SIPA1L3: variants seen among roughly 807,000 people sequenced by gnomAD.
SIPA1L3 encodes the protein signal induced proliferation associated 1 like 3.
SIPA1L3 carries 59 observed loss-of-function variants against 150.1 expected under a neutral mutation model. The observed-to-expected ratio is 0.39, with a 90% CI of 0.32 to 0.49. The LOEUF (loss-of-function observed/expected upper bound fraction) is 0.49. SIPA1L3 is among the 20% of genes least tolerant of loss of function. The pLI is 0.86. For synonymous variants in SIPA1L3, 1,070 were observed against 1,077.6 expected, an observed-to-expected ratio of 0.99 and a Z score of 0.14; for missense variants, 2,211 against 2,489.5, an observed-to-expected ratio of 0.89 and a Z score of 2.38.
intron 1 of SIPA1L3, among the ~76,000 whole-genome samples, chr19:37,939,422 GATTAGTTTCAACCGCATATAA>G (rs1568470969): frequency 1.4e-5 from 2 of 142,380 alleles, no homozygotes; most frequent in Non-Finnish European, 3.0e-5. Flanking sequence ...AAAAAAAAAG[GATTAGTTTCAACCGCATATAA>G]TTTAGTTTCA....
At chr19:37,965,735 A>G (rs1037444592) in intron 1 of SIPA1L3, among the ~76,000 whole-genome samples, 9 of 129,762 alleles carry the variant, frequency 6.9e-5, no homozygotes, top group African/African-American at 2.8e-4. Context: ...TAGTCCCTGC[A>G]TTCTAGATTC....
chr19:37,937,361 T>C (rs995529065), intron 1 of SIPA1L3, among the ~76,000 whole-genome samples: 1 of 152,196 alleles, frequency 6.6e-6, no homozygotes, highest in Admixed American at 6.6e-5. Flanking sequence ...TCCCATTCAC[T>C]TTCCTGCCTG....
chr19:37,928,111 A>C (rs371240847), intron 1 of SIPA1L3, among the ~76,000 whole-genome samples: 155 of 152,160 alleles, frequency 1.0e-3, no homozygotes, highest in African/African-American at 3.4e-3. Flanking sequence ...CGGTAATTCT[A>C]TTTTTAGTTC....
chr19:37,996,871 A>G (rs1262067474), intron 1 of SIPA1L3, among the ~76,000 whole-genome samples: 1 of 151,812 alleles, frequency 6.6e-6, no homozygotes, highest in Non-Finnish European at 1.5e-5. Flanking sequence ...TAATTTTTGT[A>G]TTTTTAGTAG....
chr19:38,194,525 G>A lies in SIPA1L3; in HGVS notation c.4840+745G>A, dbSNP rs371628984. ...GGGCAGAGCGCTGGCGTGCCACTGCGCGTGGGGTGCCCCTGACCTTTTTGA... is the reference window on the plus strand; with the variant it reads ...GGGCAGAGCGCTGGCGTGCCACTGCACGTGGGGTGCCCCTGACCTTTTTGA... On this transcript the variant is annotated intron_variant, in intron 18 of 21. Transcript: ENST00000222345. Among the ~76,000 whole-genome samples the A allele has an allele frequency of 3.8e-3, 577 of 152,300 alleles. 1 individual carries two copies. The highest frequency in any genetic ancestry group is 0.013 in the African/African-American group (547 of 41,566).
intron 1 of SIPA1L3, among the ~76,000 whole-genome samples, chr19:37,999,211 A>C (rs1366550196): frequency 6.6e-6 from 1 of 152,018 alleles, no homozygotes; most frequent in East Asian, 1.9e-4. Flanking sequence ...CCAAAGCATC[A>C]ATTTCTCATC....
chr19:38,108,936 C>A (rs1164748281), intron 7 of SIPA1L3, among the ~76,000 whole-genome samples: 1 of 152,092 alleles, frequency 6.6e-6, no homozygotes, highest in Non-Finnish European at 1.5e-5. Flanking sequence ...TTGCAGTGAG[C>A]CGAGATCGCA....
At chr19:38,103,720 G>A (rs1970558255) in intron 6 of SIPA1L3, among the ~76,000 whole-genome samples, 1 of 151,260 alleles carries the variant, frequency 6.6e-6, no homozygotes, top group South Asian at 2.1e-4. Flanking sequence ...TCAGGAGATC[G>A]AGACCATCCT....
intron 1 of SIPA1L3, among the ~76,000 whole-genome samples, chr19:37,993,820 G>A (rs770448362): frequency 1.4e-4 from 22 of 152,186 alleles, no homozygotes; most frequent in Non-Finnish European, 2.8e-4. Context: ...TCAAGGTGCC[G>A]TATGAATAAA....
At chr19:38,201,802 C>G (rs1446323724) in intron 19 of SIPA1L3, 60 bp from the exon 20 acceptor site, 2 of 1,536,152 alleles carry the variant, frequency 1.3e-6, no homozygotes, top group Non-Finnish European at 1.7e-6. Flanking sequence ...CGTGGTCCGT[C>G]TGTTGCGGGA....
intron 1 of SIPA1L3, among the ~76,000 whole-genome samples, chr19:38,023,619 A>T (rs1212898730): frequency 6.6e-6 from 1 of 152,216 alleles, no homozygotes; most frequent in Non-Finnish European, 1.5e-5. Flanking sequence ...GAACCACTTT[A>T]TTAGTAGTTG....
chr19:38,086,731 G>A (rs1456524927), intron 3 of SIPA1L3, among the ~76,000 whole-genome samples: 1 of 152,214 alleles, frequency 6.6e-6, no homozygotes, highest in East Asian at 1.9e-4. Flanking sequence ...AGTAAAGAAT[G>A]TATTCAGAAC....
At chr19:38,135,689 C>A (rs1381079075) in intron 10 of SIPA1L3, among the ~76,000 whole-genome samples, 1 of 152,166 alleles carries the variant, frequency 6.6e-6, no homozygotes, top group African/African-American at 2.4e-5. Context: ...GGAAGACATT[C>A]CCTCCTGTTC....
Position 38,167,099 on chromosome 19 carries a change from G to A in SIPA1L3, c.4208+2193G>A, listed in dbSNP as rs1212186665. On this transcript the variant is annotated intron_variant, in intron 15 of 21. Coordinates refer to ENST00000222345, the MANE Select transcript of SIPA1L3 (RefSeq NM_015073.3). The stretch of plus-strand genomic sequence containing the variant: ...AATACAAAAATTAGCTGGGCGTGGT[G>A]GTGGGCACCTGTAGTCCCAGATACT... Among the ~76,000 whole-genome samples, 3 of 152,014 alleles carry A rather than the reference G, an allele frequency of 2.0e-5. No individual in the cohort carries two copies. The East Asian group carries it at 5.8e-4, about 29-fold the overall frequency.
chr19:38,153,264 A>G (rs1971869090), intron 13 of SIPA1L3, among the ~76,000 whole-genome samples: 1 of 152,228 alleles, frequency 6.6e-6, no homozygotes, highest in African/African-American at 2.4e-5. Flanking sequence ...AAGGTAGCTG[A>G]AAAAGATTAA....
intron 1 of SIPA1L3, among the ~76,000 whole-genome samples, chr19:37,924,618 C>T (rs2046485719): frequency 1.3e-5 from 2 of 149,346 alleles, no homozygotes; most frequent in African/African-American, 2.5e-5. Flanking sequence ...GCAGAGGTTG[C>T]AGTGAGCTGA....
At chr19:37,920,690 T>C (rs1228209686) in intron 1 of SIPA1L3, among the ~76,000 whole-genome samples, 2 of 152,358 alleles carry the variant, frequency 1.3e-5, no homozygotes, top group Non-Finnish European at 2.9e-5. Flanking sequence ...AGTCCACTTA[T>C]ATAATACAAA....
At chr19:37,965,966 T>C (rs2046900736) in intron 1 of SIPA1L3, among the ~76,000 whole-genome samples, 1 of 152,124 alleles carries the variant, frequency 6.6e-6, no homozygotes, top group South Asian at 2.1e-4. Context: ...GAAATGTGTA[T>C]GTTAGAATTG....
intron 5 of SIPA1L3, 39 bp from the exon 6 acceptor site, chr19:38,101,013 G>A: frequency 6.7e-7 from 1 of 1,501,238 alleles, no homozygotes. Context: ...TGCCATCTCT[G>A]CCTGGCCTGC....
Sources: gnomAD v4.1 joint callset for allele counts (sites outside exome capture counted in the v4.1 genomes callset) on GRCh38, gnomAD v4.1.1 for gene constraint, MANE v1.5 for transcripts, NCBI Gene and HGNC (gene_info 2026-07-23, HGNC 2026-07-21) for gene names.